PATL2: variants seen among roughly 807,000 people sequenced by gnomAD.
PATL2 encodes the protein protein PAT1 homolog 2.
PATL2 carries 73 observed loss-of-function variants against 77.0 expected under a neutral mutation model. The observed-to-expected ratio is 0.95, with a 90% confidence interval of 0.78 to 1.15. The LOEUF is 1.15. Ranked by LOEUF, PATL2 falls within the 50% of genes most tolerant of loss-of-function variation. The pLI, the probability that PATL2 is intolerant of heterozygous loss-of-function variation, is 0.00. For missense variants in PATL2, 618 were observed against 655.4 expected, an observed-to-expected ratio of 0.94 and a Z score of 0.62; for synonymous variants, 265 against 257.1, an observed-to-expected ratio of 1.03 and a Z score of -0.29.
At chr15:44,667,069 G>A in intron 16 of PATL2, 37 bp downstream of exon 16, 1 of 1,449,458 alleles carries the variant, frequency 6.9e-7, no homozygotes, top group Non-Finnish European at 9.5e-7. Flanking sequence ...CATCCCGAGG[G>A]TACTAGATAG....
chr15:44,674,348 G>A, intron 5 of PATL2, 118 bp from the exon 6 acceptor site: 1 of 748,794 alleles, frequency 1.3e-6, no homozygotes, highest in Non-Finnish European at 2.2e-6. Context: ...CAACATCCAG[G>A]GCAGTGGCAG....
In PATL2 at chr15:44,668,962, C is replaced by T; in HGVS notation, c.1224+18G>A. On this transcript the variant is annotated intron_variant, in intron 14 of 17. Coordinates refer to ENST00000682850, the MANE Select transcript of PATL2 (RefSeq NM_001387263.1). ...CTATTCAGGAGACCATCCTCTTCTC[C>T]ACTCAATGCCACAGTACCTGATCAG... The T allele has an allele frequency of 6.6e-7, 1 of 1,516,640 alleles. No individual in the cohort carries two copies. Among genetic ancestry groups the T allele is most frequent in the Non-Finnish European group, 8.9e-7 (1 of 1,126,568 alleles). 93.9% of individuals were successfully genotyped at this position (1,516,640 alleles called of 1,614,324 possible).
At chr15:44,668,586 C>T in intron 14 of PATL2, 104 bp from the exon 15 acceptor site, 5 of 1,396,262 alleles carry the variant, frequency 3.6e-6, no homozygotes, top group Non-Finnish European at 3.8e-6. Flanking sequence ...TTGGCACGTC[C>T]TGGTGAGGTT....
At chr15:44,676,814 G>C (rs1321514061) in intron 3 of PATL2, 1 of 1,153,888 alleles carries the variant, frequency 8.7e-7, no homozygotes, top group Non-Finnish European at 1.1e-6. Flanking sequence ...CTTCCCAACC[G>C]ACATCACCAG....
chr15:44,700,962 G>C (rs994403305), intron 3 of PATL2, among the ~76,000 whole-genome samples: 5 of 152,034 alleles, frequency 3.3e-5, no homozygotes, highest in Admixed American at 6.6e-5. Flanking sequence ...TTTTTGGGGG[G>C]GGTTTTATCA....
intron 9 of PATL2, among the ~76,000 whole-genome samples, chr15:44,671,446 G>A (rs1183123936): frequency 1.3e-5 from 2 of 151,598 alleles, no homozygotes; most frequent in Non-Finnish European, 2.9e-5. Flanking sequence ...CTGAGATGGT[G>A]CCACTGCACT....
intron 3 of PATL2, among the ~76,000 whole-genome samples, chr15:44,693,532 C>G (rs2086439623): frequency 6.6e-6 from 1 of 152,100 alleles, no homozygotes; most frequent in Non-Finnish European, 1.5e-5. Flanking sequence ...CTGGGCGTAC[C>G]CAAATAATTC....
Position 44,703,090 on chromosome 15 carries a change from G to A in PATL2, c.-76+7006C>T, listed in dbSNP as rs1218727419. ...GGAGATCAAGACCATCCTGACTAAC[G>A]TGGAGAAACCCCATCTGTACTAAAA... On this transcript the variant is annotated intron_variant, in intron 3 of 17. Coordinates refer to ENST00000682850, the MANE Select transcript of PATL2 (RefSeq NM_001387263.1). Among the ~76,000 whole-genome samples the A allele has an allele frequency of 6.6e-5, 10 of 151,976 alleles. 1 individual carries two copies. Among genetic ancestry groups the A allele is most frequent in the South Asian group, 2.1e-4 (1 of 4,832 alleles).
chr15:44,679,552 C>CT (rs545161525), intron 3 of PATL2, among the ~76,000 whole-genome samples: 4,320 of 114,360 alleles, frequency 0.038, 132 homozygotes, highest in Non-Finnish European at 0.055. Flanking sequence ...TTTTCTTTTT[C>CT]TTTTTTTTTT....
intron 3 of PATL2, among the ~76,000 whole-genome samples, chr15:44,682,448 T>C (rs928926601): frequency 2.6e-5 from 4 of 152,182 alleles, no homozygotes; most frequent in Non-Finnish European, 5.9e-5. Flanking sequence ...CTCATCTCTG[T>C]GCCCCTGGCA....
At chr15:44,676,693 G>C (rs188003196) in intron 3 of PATL2, 128 bp from the exon 4 acceptor site, 1 of 1,189,792 alleles carries the variant, frequency 8.4e-7, no homozygotes, top group African/African-American at 1.5e-5. Flanking sequence ...TGAGGAGAGA[G>C]ACCCTGGGGT....
At chr15:44,701,635 G>T (rs2086631097) in intron 3 of PATL2, among the ~76,000 whole-genome samples, 2 of 149,114 alleles carry the variant, frequency 1.3e-5, no homozygotes, top group Non-Finnish European at 3.0e-5. Context: ...GGTGGAGGTT[G>T]CAGTGAGCTG....
At chr15:44,684,251 T>G (rs2086201515) in intron 3 of PATL2, among the ~76,000 whole-genome samples, 1 of 151,982 alleles carries the variant, frequency 6.6e-6, no homozygotes, top group South Asian at 2.1e-4. Context: ...ATGAGTTTGA[T>G]GAATTGACAG....
intron 3 of PATL2, among the ~76,000 whole-genome samples, chr15:44,681,055 G>T (rs965337191): frequency 6.6e-6 from 1 of 152,052 alleles, no homozygotes; most frequent in African/African-American, 2.4e-5. Flanking sequence ...TTTAGAGATG[G>T]GGTCTCGCTC....
Position 44,697,174 on chromosome 15 carries a change from TCTC to T in PATL2, c.-76+12919_-76+12921del, listed in dbSNP as rs577236184. Among the ~76,000 whole-genome samples, 141 of 151,702 alleles carry T rather than the reference TCTC, an allele frequency of 9.3e-4. No homozygotes were observed. The East Asian group carries it at 0.019, about 20-fold the overall frequency. ...TCCTCTTCCCCTTCCTCCTCCTCCT[TCTC>T]CTCCTCCTTTCTTTTTCTTCTCCTC... On this transcript the variant is annotated intron_variant, in intron 3 of 17. Coordinates refer to ENST00000682850, the MANE Select transcript of PATL2 (RefSeq NM_001387263.1).
rs1326800225 is a variant in PATL2 at position 44,665,902 on chromosome 15, T to C, written c.*51A>G. The C allele has an allele frequency of 6.4e-7, 1 of 1,550,608 alleles. No individual in the cohort carries two copies. The highest frequency in any genetic ancestry group is 1.2e-5 in the South Asian group (1 of 83,986). ...TCCCTGTAAACATAGTCTATGTAGC[T>C]AGTGTCTGATGATTCAACTTCCCAC... On this transcript the variant is annotated 3_prime_UTR_variant, in exon 18 of 18. Coordinates refer to ENST00000682850, the MANE Select transcript of PATL2 (RefSeq NM_001387263.1).
chr15:44,683,976 A>C (rs1470613621), intron 3 of PATL2, among the ~76,000 whole-genome samples: 1 of 152,112 alleles, frequency 6.6e-6, no homozygotes, highest in African/African-American at 2.4e-5. Context: ...GACCTCCAGC[A>C]AACTCCAACA....
At chr15:44,672,219 G>A in intron 8 of PATL2, 63 bp from the exon 9 acceptor site, 1 of 1,550,758 alleles carries the variant, frequency 6.4e-7, no homozygotes, top group Non-Finnish European at 8.7e-7. Flanking sequence ...AAGGAGTGTG[G>A]TGAGCAGGAA....
intron 3 of PATL2, among the ~76,000 whole-genome samples, chr15:44,691,704 T>G (rs908377906): frequency 2.0e-5 from 3 of 149,864 alleles, no homozygotes; most frequent in Non-Finnish European, 4.5e-5. Flanking sequence ...TAATATAAAG[T>G]AAACCTGGGC....
Sources: gnomAD v4.1 joint callset for allele counts (sites outside exome capture counted in the v4.1 genomes callset) on GRCh38, gnomAD v4.1.1 for gene constraint, MANE v1.5 for transcripts, NCBI Gene and HGNC (gene_info 2026-07-23, HGNC 2026-07-21) for gene names.